The following ACVRL1 variants were observed in gnomAD, a reference collection of about 807,000 sequenced individuals.
ACVRL1 encodes activin A receptor like type 1.
ACVRL1 carries 20 observed loss-of-function variants against 51.9 expected under a neutral mutation model. The observed-to-expected ratio is 0.39, with a 90% confidence interval of 0.27 to 0.56. ACVRL1 has a LOEUF of 0.56. Ranked by LOEUF, ACVRL1 falls within the 20% of genes least tolerant of loss-of-function variation. The pLI is 0.67. For synonymous variants in ACVRL1, 288 were observed against 280.9 expected, an observed-to-expected ratio of 1.03 and a Z score of -0.25; for missense variants, 451 against 670.3, an observed-to-expected ratio of 0.67 and a Z score of 3.61.
Position 51,920,943 on chromosome 12 carries a change from G to GGGGGGGGGGGCGC in ACVRL1, c.*52_*53insGGGGGGGGCGCGG. 1 of 860,108 alleles carries GGGGGGGGGGGCGC rather than the reference G, an allele frequency of 1.2e-6. No individual in the cohort carries two copies. The highest frequency in any genetic ancestry group is 1.9e-6 in the Non-Finnish European group (1 of 533,156). 53.3% of individuals were successfully genotyped at this position (860,108 alleles called of 1,614,324 possible). On this transcript the variant is annotated 3_prime_UTR_variant, in exon 10 of 10. Transcript: ENST00000388922. ...GCCTGCAGGGGGCTGGGGGGGTGGG[G>GGGGGGGGGGGCGC]GGCAGTGGATGGTGCCCTATCTGGG...
Position 51,922,296 on chromosome 12 carries a change from T to C in ACVRL1, c.*1403T>C, listed in dbSNP as rs1426996986. The C allele has an allele frequency of 3.3e-5, 5 of 152,322 alleles. No homozygotes were observed. The highest frequency in any genetic ancestry group is 1.2e-4 in the African/African-American group (5 of 41,566). 9.4% of individuals were successfully genotyped at this position (152,322 alleles called of 1,614,324 possible). On this transcript the variant is annotated 3_prime_UTR_variant, in exon 10 of 10. Transcript: ENST00000388922. ...CCTAAAACCATGCCAGTGGCCACCC[T>C]TGGGCTCAGACAGCTCTGGGCCTTT...
intron 2 of ACVRL1, 109 bp from the exon 3 acceptor site, chr12:51,912,990 G>A: frequency 1.4e-6 from 2 of 1,451,004 alleles, no homozygotes; most frequent in East Asian, 2.4e-5. Flanking sequence ...AAGCTTCAAG[G>A]TGTTTGTCTG....
At position 51,917,500 on chromosome 12, in the gene ACVRL1, G is replaced by A. The variant is rs1395094731; in HGVS notation, c.1246+1267G>A. Among the ~76,000 whole-genome samples the A allele has an allele frequency of 1.3e-5, 2 of 152,196 alleles. No individual in the cohort carries two copies. The highest frequency in any genetic ancestry group is 6.5e-5 in the Admixed American group (1 of 15,284). On this transcript the variant is annotated intron_variant, in intron 8 of 9. Transcript: ENST00000388922. This position sits in a 1 kb window ranked among gnomAD's most constrained non-coding sequence, Gnocchi z 4.2. ...AACCTTTGAGGAGGCTGTCCATGGTGAGGGACTTCCAGGAGTCGTGACAGG... is the reference window on the plus strand; with the variant it reads ...AACCTTTGAGGAGGCTGTCCATGGTAAGGGACTTCCAGGAGTCGTGACAGG...
At position 51,912,555 on chromosome 12, in the gene ACVRL1, T is replaced by C; in HGVS notation, c.61+20T>C. The C allele has an allele frequency of 6.3e-7, 1 of 1,590,384 alleles. No individual in the cohort carries two copies. Among genetic ancestry groups the C allele is most frequent in the Non-Finnish European group, 8.6e-7 (1 of 1,158,648 alleles). ...CCCAGGGTGAGTACTGGGGGAGCAG[T>C]TAGGAAACAGGAACCTGGATACAGA... is the stretch of plus-strand genomic sequence containing the variant. On this transcript the variant is annotated intron_variant, in intron 2 of 9. Transcript: ENST00000388922.
chr12:51,916,662 C>T (rs1428820795), intron 8 of ACVRL1, among the ~76,000 whole-genome samples: 1 of 152,228 alleles, frequency 6.6e-6, no homozygotes, highest in African/African-American at 2.4e-5. Flanking sequence ...GGTTATTTGA[C>T]CTCTCTGTGC....
chr12:51,914,269 C>T (rs1252648487), intron 5 of ACVRL1, among the ~76,000 whole-genome samples, 170 bp from the exon 6 acceptor site: 1 of 152,020 alleles, frequency 6.6e-6, no homozygotes, highest in Non-Finnish European at 1.5e-5. Context: ...GAACGAGAGG[C>T]AGCTGGGGGT....
chr12:51,914,720 AATTT>A (rs1181544264), intron 6 of ACVRL1, 135 bp downstream of exon 6: 8 of 190,650 alleles, frequency 4.2e-5, no homozygotes, highest in East Asian at 2.5e-4. Context: ...CTCTTTTTTT[AATTT>A]AATTTAATTT....
intron 4 of ACVRL1, 65 bp downstream of exon 4, chr12:51,913,835 G>A: frequency 6.3e-7 from 1 of 1,591,778 alleles, no homozygotes; most frequent in African/African-American, 1.3e-5. Context: ...AGAATCAGAG[G>A]GGTCACCCAG....
rs187992700 is a variant in ACVRL1 at position 51,917,567 on chromosome 12, G to A, written c.1246+1334G>A. Among the ~76,000 whole-genome samples the A allele has an allele frequency of 7.1e-3, 1,074 of 152,212 alleles. 16 individuals carry two copies. Among genetic ancestry groups the A allele is most frequent in the African/African-American group, 0.025 (1,018 of 41,508 alleles). On this transcript the variant is annotated intron_variant, in intron 8 of 9. Coordinates refer to ENST00000388922, the MANE Select transcript of ACVRL1 (RefSeq NM_000020.3). The surrounding 1 kb of genome is among the most constrained non-coding windows in gnomAD (Gnocchi z 4.2). ...GGATATGGCTGGAGCCCTGCTTCTT[G>A]GGGACAAGGATGTCCTCATTTCCTG...
intron 1 of ACVRL1, 128 bp from the exon 2 acceptor site, chr12:51,912,342 T>G: frequency 2.1e-6 from 2 of 973,924 alleles, no homozygotes; most frequent in Non-Finnish European, 3.2e-6. Flanking sequence ...CGGCAGGGAG[T>G]AGGGAGGCGG....
In ACVRL1 at chr12:51,913,754, G is replaced by A. The variant is rs1381024210; in HGVS notation, c.509G>A (p.Gly170Asp). ...SSLILKASEQGDSMLGDLLDS... is the reference protein window; with the variant it reads ...SSLILKASEQDDSMLGDLLDS... ...CTCATCCTGAAAGCATCTGAGCAGG[G>A]CGACAGCATGTTGGGGGTATGGGCC... The change falls in exon 4 of 10, where the codon GGC becomes GAC. Residue 170 changes from glycine to aspartate, a missense_variant. Physicochemically the swap from Gly to Asp is moderately conservative, Grantham distance 94. Around this residue, in one of 2 missense-constraint regions of ACVRL1, gnomAD observed 259 missense variants for 453.4 expected, o/e 0.57. Transcript: ENST00000388922. 14 of 1,611,688 alleles carry A rather than the reference G, an allele frequency of 8.7e-6. No individual in the cohort carries two copies. The highest frequency in any genetic ancestry group is 1.2e-5 in the Non-Finnish European group (14 of 1,179,986).
In ACVRL1 at chr12:51,916,244, ACCCTACACAGGG is replaced by A. The variant is rs781666580; in HGVS notation, c.1246+12_1246+23del. 2 of 1,612,904 alleles carry A rather than the reference ACCCTACACAGGG, an allele frequency of 1.2e-6. No individual in the cohort carries two copies. The highest frequency in any genetic ancestry group is 1.6e-4 in the Middle Eastern group (1 of 6,080). ...GGACCATCGTGAATGGTGAGGGCCC[ACCCTACACAGGG>A]TAGGGAAAGGGGAATCAGCCTGTGG... On this transcript the variant is annotated intron_variant, in intron 8 of 9. Transcript: ENST00000388922.
At position 51,915,281 on chromosome 12, in the gene ACVRL1, A is replaced by G. The variant is rs930393044; in HGVS notation, c.829A>G (p.Thr277Ala). Reference protein sequence around the residue: ...RNSSTQLWLITHYHEHGSLYD... With the variant: ...RNSSTQLWLIAHYHEHGSLYD... ...CTCGAGCACGCAGCTGTGGCTCATC[A>G]CGCACTACCACGAGCACGGCTCCCT... is the stretch of plus-strand genomic sequence containing the variant. Residue 277 changes from threonine (T) to alanine (A), a missense_variant, in exon 7 of 10, where the codon ACG becomes GCG. This residue lies in a region of ACVRL1 where 259 missense variants were observed against 453.4 expected (regional missense o/e 0.57). Coordinates refer to ENST00000388922, the MANE Select transcript of ACVRL1 (RefSeq NM_000020.3). 6.2e-7 allele frequency: 1 copy of G among 1,614,084 alleles called. No individual in the cohort carries two copies. The highest frequency in any genetic ancestry group is 8.5e-7 in the Non-Finnish European group (1 of 1,180,030).
rs1217402588 is a variant in ACVRL1 at position 51,912,480 on chromosome 12, C to T, written c.6C>T (p.Thr2=). The change falls in exon 2 of 10, where the codon ACC becomes ACT. Residue 2 remains threonine, a synonymous_variant. Coordinates refer to ENST00000388922, the MANE Select transcript of ACVRL1 (RefSeq NM_000020.3). M[T]LGSPRKGLLM... Reference sequence around the variant, plus strand: ...TGCTCCTCTCTGCAGGGACCATGACCTTGGGCTCCCCCAGGAAAGGCCTTC... The same window carrying T: ...TGCTCCTCTCTGCAGGGACCATGACTTTGGGCTCCCCCAGGAAAGGCCTTC... 1 of 1,614,072 alleles carries T rather than the reference C, an allele frequency of 6.2e-7. No individual in the cohort carries two copies. Among genetic ancestry groups the T allele is most frequent in the African/African-American group, 1.3e-5 (1 of 74,932 alleles).
In ACVRL1 at chr12:51,913,332, G is replaced by T; in HGVS notation, c.295G>T (p.Val99Leu). Residue 99 changes from valine (V) to leucine (L), a missense_variant, in exon 3 of 10, where the codon GTG becomes TTG. Transcript: ENST00000388922. ...CGACAGCCACCTCTGCAACCACAAC[G>T]TGTCCCTGGTGCTGGAGGGTACGTC... Reference protein sequence around the residue: ...CCDSHLCNHNVSLVLEATQPP... With the variant: ...CCDSHLCNHNLSLVLEATQPP... 6.2e-7 allele frequency: 1 copy of T among 1,612,284 alleles called. No homozygotes were observed. The highest frequency in any genetic ancestry group is 8.5e-7 in the Non-Finnish European group (1 of 1,179,566).
chr12:51,913,464 G>C, intron 3 of ACVRL1, 95 bp from the exon 4 acceptor site: 3 of 1,530,526 alleles, frequency 2.0e-6, no homozygotes, highest in Non-Finnish European at 2.6e-6. Context: ...GGAGCGGGTG[G>C]GCAGGACTCT....
chr12:51,921,113 G>A lies in ACVRL1; in HGVS notation c.*220G>A, dbSNP rs1230817793. The A allele has an allele frequency of 1.4e-5, 8 of 589,582 alleles. No homozygotes were observed. Among genetic ancestry groups the A allele is most frequent in the African/African-American group, 3.7e-5 (2 of 53,668 alleles). The allele number at this position is 589,582 out of a possible 1,614,324, so 36.5% of individuals were successfully genotyped here. A position where few individuals can be genotyped will look rare whatever the true frequency, so the allele number is the denominator to read the frequency against. On this transcript the variant is annotated 3_prime_UTR_variant, in exon 10 of 10. Transcript: ENST00000388922. ...TGCTCAAAGCGGCAGGCTCCCTGAC[G>A]CCTGGCTCTCTCCCCACCCCTATGG... is the stretch of plus-strand genomic sequence containing the variant.
At chr12:51,913,399 C>A in intron 3 of ACVRL1, 49 bp downstream of exon 3, 1 of 1,597,748 alleles carries the variant, frequency 6.3e-7, no homozygotes, top group East Asian at 2.3e-5. Flanking sequence ...TGGCCCCTGC[C>A]CTCCCTTCCC....
intron 1 of ACVRL1, among the ~76,000 whole-genome samples, chr12:51,912,029 G>C (rs1232280580): frequency 6.6e-6 from 1 of 152,188 alleles, no homozygotes; most frequent in Non-Finnish European, 1.5e-5. Flanking sequence ...TTATGTTTGA[G>C]GCAGCCAGGG....
Sources: allele counts gnomAD v4.1 joint callset (sites outside exome capture counted in the v4.1 genomes callset), GRCh38; gene constraint gnomAD v4.1.1; regional missense constraint gnomAD v4.1.1; non-coding constraint Gnocchi (gnomAD v3.1); transcripts MANE v1.5; gene names NCBI Gene and HGNC (gene_info 2026-07-23, HGNC 2026-07-21).